The following PRIMA1 variants were observed in gnomAD, a reference collection of about 807,000 sequenced individuals.
PRIMA1 encodes proline rich membrane anchor 1, also known as proline-rich membrane anchor 1.
In PRIMA1, 7 loss-of-function variants were observed where a neutral mutation model predicts 17.5. The observed-to-expected ratio is 0.40, with a 90% CI of 0.23 to 0.75. The LOEUF is 0.75. Ranked by LOEUF, PRIMA1 falls within the 30% of genes least tolerant of loss-of-function variation. The probability of loss-of-function intolerance (pLI) is 0.37; values close to 1 mark genes in which losing one functional copy is unlikely to be tolerated. For missense variants in PRIMA1, 200 were observed against 201.8 expected (o/e 0.99, Z 0.05); for synonymous variants, 97 against 77.9 (o/e 1.25, Z -1.29).
At chr14:93,756,620 C>T (rs936974364) in intron 3 of PRIMA1, among the ~76,000 whole-genome samples, 2 of 152,036 alleles carry the variant, frequency 1.3e-5, no homozygotes, top group African/African-American at 4.8e-5. Flanking sequence ...ATGCCAACTA[C>T]TCTCATGTGT....
chr14:93,762,999 T>TGACCC (rs1051663964), intron 3 of PRIMA1, among the ~76,000 whole-genome samples: 2 of 152,186 alleles, frequency 1.3e-5, no homozygotes, highest in African/African-American at 4.8e-5. Flanking sequence ...GATTGCCACC[T>TGACCC]GACCCGACCC....
chr14:93,727,825 C>T, intron 4 of PRIMA1, among the ~76,000 whole-genome samples: 1 of 151,368 alleles, frequency 6.6e-6, no homozygotes, highest in Admixed American at 6.5e-5. Context: ...TCACAAAAGG[C>T]CTTCATTGGT....
intron 2 of PRIMA1, 139 bp from the exon 3 acceptor site, chr14:93,779,450 C>T (rs1302279873): frequency 8.4e-6 from 6 of 714,610 alleles, no homozygotes; most frequent in Non-Finnish European, 1.3e-5. Context: ...GAAGAATCAA[C>T]AGAAGTCGGA....
At chr14:93,782,230 C>T (rs966386831) in intron 2 of PRIMA1, among the ~76,000 whole-genome samples, 11 of 150,760 alleles carry the variant, frequency 7.3e-5, no homozygotes, top group East Asian at 2.0e-4. Flanking sequence ...ATCATGCTAC[C>T]GCACTCCAGC....
In PRIMA1 at chr14:93,746,397, G is replaced by A. The variant is rs558144734; in HGVS notation, c.230-9027C>T. Among the ~76,000 whole-genome samples the A allele has an allele frequency of 3.5e-3, 531 of 152,232 alleles. 3 individuals carry two copies. Among genetic ancestry groups the A allele is most frequent in the African/African-American group, 0.012 (517 of 41,540 alleles). On this transcript the variant is annotated intron_variant, in intron 3 of 4. Coordinates refer to ENST00000393140, the MANE Select transcript of PRIMA1 (RefSeq NM_178013.4). ...TCTCCAGAGGAGACACTGGAGCAAA[G>A]ACTGGAATTCGGCAGGGAGTTCATC...
intron 3 of PRIMA1, among the ~76,000 whole-genome samples, chr14:93,750,769 T>G (rs1271952330): frequency 1.3e-5 from 2 of 152,164 alleles, no homozygotes; most frequent in African/African-American, 4.8e-5. Flanking sequence ...CAAATTTGTA[T>G]TTTGCAAGTA....
rs186727272 is a variant in PRIMA1, at chr14:93,721,314, G to A, written c.*130C>T. ...CTGGGAAGACAATGGTTTCTCCTTC[G>A]GGAGGCTCAGGGCCTGTGAGGCAAT... On this transcript the variant is annotated 3_prime_UTR_variant, in exon 5 of 5. Coordinates refer to ENST00000393140, the MANE Select transcript of PRIMA1 (RefSeq NM_178013.4). The A allele has an allele frequency of 9.0e-4, 561 of 620,324 alleles. 4 individuals are homozygous for A. The African/African-American group carries it at 9.3e-3, about 10-fold the overall frequency. The allele number at this position is 620,324 out of a possible 1,614,324, so 38.4% of individuals were successfully genotyped here.
chr14:93,734,337 G>T (rs2076134786), intron 4 of PRIMA1, among the ~76,000 whole-genome samples: 1 of 152,230 alleles, frequency 6.6e-6, no homozygotes, highest in African/African-American at 2.4e-5. Context: ...TTTGGCCAGT[G>T]TGAGGCACCC....
chr14:93,763,113 GC>G (rs1884783349), intron 3 of PRIMA1, among the ~76,000 whole-genome samples: 1 of 152,266 alleles, frequency 6.6e-6, no homozygotes, highest in East Asian at 1.9e-4. Flanking sequence ...TGGTCCCTCT[GC>G]CCCCTGCCAG....
intron 3 of PRIMA1, among the ~76,000 whole-genome samples, chr14:93,745,485 C>G (rs1422285677): frequency 4.6e-5 from 7 of 152,236 alleles, no homozygotes; most frequent in Non-Finnish European, 1.0e-4. Flanking sequence ...CTTTCAGGCC[C>G]CCAGCCCCAG....
chr14:93,739,482 T>A (rs544418238), intron 3 of PRIMA1, among the ~76,000 whole-genome samples: 1 of 152,302 alleles, frequency 6.6e-6, no homozygotes, highest in South Asian at 2.1e-4. Flanking sequence ...TTCTCTTGGA[T>A]AAATATCTAG....
intron 3 of PRIMA1, among the ~76,000 whole-genome samples, chr14:93,771,908 C>T (rs533283251): frequency 6.6e-6 from 1 of 152,294 alleles, no homozygotes; most frequent in South Asian, 2.1e-4. Flanking sequence ...AGGCAGGGGC[C>T]ACACTAGGAA....
intron 3 of PRIMA1, among the ~76,000 whole-genome samples, chr14:93,757,282 G>C (rs1194756886): frequency 6.6e-6 from 1 of 152,142 alleles, no homozygotes; most frequent in Non-Finnish European, 1.5e-5. Context: ...CCTCTGACAC[G>C]GCCGCACTTG....
chr14:93,734,807 G>C (rs1028421790), intron 4 of PRIMA1, among the ~76,000 whole-genome samples: 3 of 131,226 alleles, frequency 2.3e-5, no homozygotes, highest in Non-Finnish European at 3.4e-5. Flanking sequence ...AGCCATCTGG[G>C]ATGAGTTCTG....
chr14:93,733,898 G>A (rs1019179314), intron 4 of PRIMA1, among the ~76,000 whole-genome samples: 9 of 152,094 alleles, frequency 5.9e-5, no homozygotes, highest in Admixed American at 3.9e-4. Flanking sequence ...GTCAGCGCCT[G>A]GGGGGGCAGT....
intron 4 of PRIMA1, among the ~76,000 whole-genome samples, chr14:93,728,503 G>A (rs558787477): frequency 9.9e-5 from 15 of 152,252 alleles, no homozygotes; most frequent in Non-Finnish European, 1.9e-4. Flanking sequence ...CAGTGGGGCA[G>A]AAGCCAGCCC....
chr14:93,768,813 T>TC (rs1397906504), intron 3 of PRIMA1, among the ~76,000 whole-genome samples: 1 of 150,574 alleles, frequency 6.6e-6, no homozygotes, highest in Non-Finnish European at 1.5e-5. Context: ...TTTTTTCTTT[T>TC]TTTTTTTTTT....
intron 3 of PRIMA1, among the ~76,000 whole-genome samples, chr14:93,750,996 A>G (rs1294447227): frequency 6.6e-6 from 1 of 152,176 alleles, no homozygotes; most frequent in East Asian, 1.9e-4. Flanking sequence ...AAACCCCCAG[A>G]CAAAGCACTT....
chr14:93,787,855 C>T, intron 1 of PRIMA1, 106 bp from the exon 2 acceptor site: 1 of 1,329,654 alleles, frequency 7.5e-7, no homozygotes, highest in Non-Finnish European at 1.0e-6. Context: ...GCCCCGCACC[C>T]AGGGGCACCC....
Sources: allele counts gnomAD v4.1 joint callset (sites outside exome capture counted in the v4.1 genomes callset), GRCh38; gene constraint gnomAD v4.1.1; transcripts MANE v1.5; gene names NCBI Gene and HGNC (gene_info 2026-07-23, HGNC 2026-07-21).